The following HOOK3 variants were observed in gnomAD, a reference collection of about 807,000 sequenced individuals.
HOOK3 encodes the protein protein Hook homolog 3.
A neutral mutation model predicts 116.3 loss-of-function variants in HOOK3; 24 were observed. That is an observed-to-expected ratio of 0.21 (90% CI 0.15 to 0.29). HOOK3 has a LOEUF of 0.29. Ranked by LOEUF, HOOK3 falls within the 10% of genes least tolerant of loss-of-function variation. The pLI is 1.00. For missense variants in HOOK3, 632 were observed against 830.2 expected, an observed-to-expected ratio of 0.76 and a Z score of 2.93; for synonymous variants, 275 against 283.0, an observed-to-expected ratio of 0.97 and a Z score of 0.28.
In HOOK3 at chr8:43,020,879, T is replaced by A. The variant is rs1343558678; in HGVS notation, c.*2381T>A. ...ACTTTGGGAGGCCGAGACAGGCACA[T>A]CATCTGAGGTCAGGACTTCCAGACC... On this transcript the variant is annotated 3_prime_UTR_variant, in exon 22 of 22. Transcript: ENST00000307602. The A allele has an allele frequency of 1.1e-5, 2 of 181,484 alleles. No individual in the cohort carries two copies. Among genetic ancestry groups the A allele is most frequent in the Non-Finnish European group, 2.3e-5 (2 of 85,308 alleles). The allele number at this position is 181,484 out of a possible 1,614,324, so 11.2% of individuals were successfully genotyped here. A position where few individuals can be genotyped will look rare whatever the true frequency, so the allele number is the denominator to read the frequency against.
intron 15 of HOOK3, among the ~76,000 whole-genome samples, chr8:42,991,717 C>T (rs1473201495): frequency 6.6e-6 from 1 of 151,994 alleles, no homozygotes; most frequent in Non-Finnish European, 1.5e-5. Flanking sequence ...TATGCCAACA[C>T]ATGGCACTTG....
chr8:42,968,908 A>G (rs781455436), intron 11 of HOOK3, among the ~76,000 whole-genome samples: 82 of 152,174 alleles, frequency 5.4e-4, no homozygotes, highest in Non-Finnish European at 9.0e-4. Context: ...TTATCCCTAA[A>G]AATTTATAGC....
chr8:42,982,806 C>T (rs1808977442), intron 14 of HOOK3, 110 bp downstream of exon 14: 1 of 714,394 alleles, frequency 1.4e-6, no homozygotes, highest in African/African-American at 1.8e-5. Flanking sequence ...CCGACACTTT[C>T]AACATGAACT....
At chr8:42,955,173 G>A (rs1246800023) in intron 6 of HOOK3, among the ~76,000 whole-genome samples, 1 of 152,158 alleles carries the variant, frequency 6.6e-6, no homozygotes, top group Non-Finnish European at 1.5e-5. Context: ...GGTTTGTATT[G>A]CACAGGTCTA....
At chr8:42,933,428 G>A (rs1396263018) in intron 4 of HOOK3, among the ~76,000 whole-genome samples, 1 of 152,142 alleles carries the variant, frequency 6.6e-6, no homozygotes, top group Non-Finnish European at 1.5e-5. Flanking sequence ...ATAACCCAGT[G>A]GGGCCTGGGG....
Position 42,966,545 on chromosome 8 carries a change from A to G in HOOK3, c.852A>G (p.Gln284=). ...ELEKEISELR[Q]QNDELTTLAD... ...AAAAGGAGATCTCTGAACTTCGGCA[A>G]CAGAATGATGAACTGACCACTTTGG... is the stretch of plus-strand genomic sequence containing the variant. Residue 284 remains glutamine, a synonymous_variant, in exon 10 of 22, where the codon CAA becomes CAG. Coordinates refer to ENST00000307602, the MANE Select transcript of HOOK3 (RefSeq NM_032410.4). The G allele has an allele frequency of 1.9e-6, 3 of 1,614,190 alleles. No individual in the cohort carries two copies. The highest frequency in any genetic ancestry group is 2.5e-6 in the Non-Finnish European group (3 of 1,180,014).
At chr8:42,974,909 C>G (rs1808791626) in intron 13 of HOOK3, among the ~76,000 whole-genome samples, 1 of 152,216 alleles carries the variant, frequency 6.6e-6, no homozygotes, top group Admixed American at 6.5e-5. Flanking sequence ...AAGGAATCGC[C>G]TGGCAGTCCA....
At chr8:42,917,074 C>T (rs1168910096) in intron 2 of HOOK3, among the ~76,000 whole-genome samples, 1 of 152,158 alleles carries the variant, frequency 6.6e-6, no homozygotes, top group Admixed American at 6.5e-5. Flanking sequence ...ACCCCGTGCT[C>T]CCTTAAGTTG....
intron 11 of HOOK3, among the ~76,000 whole-genome samples, chr8:42,968,774 A>C (rs1808676839): frequency 2.0e-5 from 3 of 152,224 alleles, no homozygotes; most frequent in Admixed American, 2.0e-4. Context: ...CAAATGTAAA[A>C]GCATAGTTCA....
Position 43,005,094 on chromosome 8 carries a change from TCA to T in HOOK3, c.1656-2752_1656-2751del, listed in dbSNP as rs1361275925. On this transcript the variant is annotated intron_variant, in intron 17 of 21. Coordinates refer to ENST00000307602, the MANE Select transcript of HOOK3 (RefSeq NM_032410.4). Reference sequence around the variant, plus strand: ...GCTAATACATCAACACAGATGAACCTCAAGAACATAGTGTTTAGTGAAAGATG... The same window carrying T: ...GCTAATACATCAACACAGATGAACCTAGAACATAGTGTTTAGTGAAAGATG... 4.7e-3 allele frequency among the ~76,000 whole-genome samples: 713 copies of T among 151,098 alleles called. 10 individuals carry two copies. The highest frequency in any genetic ancestry group is 0.017 in the African/African-American group (679 of 41,116).
At chr8:42,920,681 G>A (rs1807639955) in intron 2 of HOOK3, among the ~76,000 whole-genome samples, 1 of 152,154 alleles carries the variant, frequency 6.6e-6, no homozygotes, top group African/African-American at 2.4e-5. Context: ...TGCTAGAACT[G>A]GTTATGTGTT....
chr8:42,993,539 T>A (rs1370232324), intron 15 of HOOK3, among the ~76,000 whole-genome samples: 1 of 152,224 alleles, frequency 6.6e-6, no homozygotes, highest in East Asian at 1.9e-4. Context: ...TTTGGAGGTA[T>A]TCCTTCTTCC....
rs972388483 is a variant in HOOK3 at position 43,028,243 on chromosome 8, A to T, written c.*9745A>T. 3 of 184,284 alleles carry T rather than the reference A, an allele frequency of 1.6e-5. No individual in the cohort carries two copies. The highest frequency in any genetic ancestry group is 7.1e-5 in the African/African-American group (3 of 42,544). The allele number at this position is 184,284 out of a possible 1,614,324, so 11.4% of individuals were successfully genotyped here. On this transcript the variant is annotated 3_prime_UTR_variant, in exon 22 of 22. Coordinates refer to ENST00000307602, the MANE Select transcript of HOOK3 (RefSeq NM_032410.4). ...GTAGCTCATGCCTGTAGTCCCAGCT[A>T]CTCCAGAGGTCGAGGCAGGAGCATC...
At chr8:42,990,195 T>C (rs562268573) in intron 15 of HOOK3, among the ~76,000 whole-genome samples, 23 of 152,018 alleles carry the variant, frequency 1.5e-4, no homozygotes, top group Non-Finnish European at 2.5e-4. Flanking sequence ...AGGGTCTCCC[T>C]ATGTTGCCCA....
At chr8:42,957,901 C>T (rs1260529241) in intron 7 of HOOK3, among the ~76,000 whole-genome samples, 1 of 150,040 alleles carries the variant, frequency 6.7e-6, no homozygotes, top group Non-Finnish European at 1.5e-5. Context: ...GCAATCTCGG[C>T]TCACTGCAAG....
Position 43,027,733 on chromosome 8 carries a change from T to TACC in HOOK3, c.*9235_*9236insACC, listed in dbSNP as rs1449323585. ...TCTTGTTAACCTAGACAAGAGTAGA[T>TACC]TATTCAGTAGCCACATGTGACAGTT... On this transcript the variant is annotated 3_prime_UTR_variant, in exon 22 of 22. Coordinates refer to ENST00000307602, the MANE Select transcript of HOOK3 (RefSeq NM_032410.4). 9.5e-6 allele frequency: 2 copies of TACC among 210,838 alleles called. No individual in the cohort carries two copies. The highest frequency in any genetic ancestry group is 1.9e-5 in the Non-Finnish European group (2 of 103,264). 13.1% of individuals were successfully genotyped at this position (210,838 alleles called of 1,614,324 possible). A position where few individuals can be genotyped will look rare whatever the true frequency, so the allele number is the denominator to read the frequency against.
At chr8:43,010,817 G>A (rs1043206662) in intron 19 of HOOK3, among the ~76,000 whole-genome samples, 5 of 152,100 alleles carry the variant, frequency 3.3e-5, no homozygotes, top group East Asian at 1.9e-4. Context: ...TAAATAACAC[G>A]TTCAGGAAAC....
chr8:42,902,179 A>G (rs960548077), intron 1 of HOOK3, among the ~76,000 whole-genome samples: 1 of 152,066 alleles, frequency 6.6e-6, no homozygotes. Flanking sequence ...TGTAAGAATT[A>G]TTTGATGAAC....
At chr8:42,901,112 C>A (rs1407010823) in intron 1 of HOOK3, among the ~76,000 whole-genome samples, 1 of 152,228 alleles carries the variant, frequency 6.6e-6, no homozygotes. Context: ...ACCCAACTCA[C>A]AGCCAAAAAT....
Sources: gnomAD v4.1 joint callset for allele counts (sites outside exome capture counted in the v4.1 genomes callset) on GRCh38, gnomAD v4.1.1 for gene constraint, MANE v1.5 for transcripts, NCBI Gene and HGNC (gene_info 2026-07-23, HGNC 2026-07-21) for gene names.